TRPC7: variants seen among roughly 807,000 people sequenced by gnomAD.
The protein encoded by TRPC7 is short transient receptor potential channel 7.
Under a neutral mutation model 90.1 loss-of-function variants are expected in TRPC7, and 42 were observed. The ratio of observed to expected loss-of-function variants is 0.47; its 90% confidence interval spans 0.36 to 0.60. The LOEUF (loss-of-function observed/expected upper bound fraction) is 0.60, where lower values mean the gene tolerates loss of function less well. Ranked by LOEUF, TRPC7 falls within the 20% of genes least tolerant of loss-of-function variation. The probability of loss-of-function intolerance (pLI) is 0.00; values close to 1 mark genes in which losing one functional copy is unlikely to be tolerated. For missense variants in TRPC7, 955 were observed against 1,112.3 expected (o/e 0.86, Z 2.01); for synonymous variants, 451 against 436.3 (o/e 1.03, Z -0.42).
At chr5:136,255,828 GC>G (rs1356558523) in intron 5 of TRPC7, among the ~76,000 whole-genome samples, 2 of 152,122 alleles carry the variant, frequency 1.3e-5, no homozygotes, top group African/African-American at 4.8e-5. Flanking sequence ...GTTGTAATGT[GC>G]CCTGCTAGGA....
chr5:136,274,637 T>A (rs1757303254), intron 4 of TRPC7, 36 bp downstream of exon 4: 2 of 1,543,400 alleles, frequency 1.3e-6, no homozygotes, highest in East Asian at 2.3e-5. Flanking sequence ...AGAGAAGAAA[T>A]AACCGCAAAC....
At chr5:136,218,662 T>C (rs1410450823) in intron 10 of TRPC7, among the ~76,000 whole-genome samples, 1 of 152,204 alleles carries the variant, frequency 6.6e-6, no homozygotes, top group Non-Finnish European at 1.5e-5. Flanking sequence ...TATTTACTAA[T>C]AATAGAAAAT....
chr5:136,283,944 T>C (rs1186088419), intron 3 of TRPC7, among the ~76,000 whole-genome samples: 1 of 152,194 alleles, frequency 6.6e-6, no homozygotes, highest in Non-Finnish European at 1.5e-5. Context: ...CAGAGCACTT[T>C]TAAAGGGCAT....
intron 3 of TRPC7, among the ~76,000 whole-genome samples, chr5:136,300,880 A>C (rs559723794): frequency 1.3e-5 from 2 of 152,350 alleles, no homozygotes; most frequent in African/African-American, 4.8e-5. Context: ...TACTGTTCTC[A>C]GCCTTCAGAG....
At chr5:136,352,420 C>A (rs913462425) in intron 2 of TRPC7, among the ~76,000 whole-genome samples, 2 of 151,904 alleles carry the variant, frequency 1.3e-5, no homozygotes, top group Non-Finnish European at 2.9e-5. Flanking sequence ...GACTGGGAAG[C>A]AAATAAAGGA....
chr5:136,219,586 C>T (rs1289634121), intron 10 of TRPC7, among the ~76,000 whole-genome samples: 5 of 152,024 alleles, frequency 3.3e-5, no homozygotes, highest in African/African-American at 9.7e-5. Context: ...GGTAATATGG[C>T]GAAACCCCAT....
At chr5:136,314,386 C>T (rs1030870550) in intron 3 of TRPC7, 4 of 152,164 alleles carry the variant, frequency 2.6e-5, no homozygotes, top group African/African-American at 9.7e-5. Context: ...GGTGAGTTTT[C>T]CTGAGCTGAG....
chr5:136,276,314 A>G (rs1580890434), intron 3 of TRPC7, among the ~76,000 whole-genome samples: 1 of 152,306 alleles, frequency 6.6e-6, no homozygotes, highest in East Asian at 1.9e-4. Flanking sequence ...TGGACTAGAG[A>G]AGATAGACTG....
At position 136,213,747 on chromosome 5, in the gene TRPC7, G is replaced by A. The variant is rs563299647; in HGVS notation, c.2420-143C>T. 1.8e-5 allele frequency: 15 copies of A among 815,458 alleles called. No homozygotes were observed. In the African/African-American group the frequency reaches 2.2e-4, roughly 12 times the overall value. The allele number at this position is 815,458 out of a possible 1,614,324, so 50.5% of individuals were successfully genotyped here. On this transcript the variant is annotated intron_variant, in intron 11 of 11. Transcript: ENST00000513104. ...CAGGGTTGAAGGTGAGGCAAGGGGG[G>A]CTCTATTTGAACCCAGAACCACCCA...
chr5:136,265,154 G>A (rs1343511134), intron 5 of TRPC7, among the ~76,000 whole-genome samples: 2 of 152,050 alleles, frequency 1.3e-5, no homozygotes, highest in African/African-American at 2.4e-5. Context: ...TGATTTTGTT[G>A]ATTTGACCCG....
Position 136,315,632 on chromosome 5 carries a change from G to A in TRPC7, c.928C>T (p.Arg310Trp), listed in dbSNP as rs771774106. Reference protein sequence around the residue: ...WSDHHRPSLSRIKLAIKYEVK... With the variant: ...WSDHHRPSLSWIKLAIKYEVK... Reference sequence around the variant, plus strand: ...TCATATTTAATGGCGAGTTTGATCCGGCTCAGACTTGGACGGTGGTGGTCG... The same window carrying A: ...TCATATTTAATGGCGAGTTTGATCCAGCTCAGACTTGGACGGTGGTGGTCG... The change falls in exon 3 of 12, where the codon CGG becomes TGG. Residue 310 changes from arginine (R) to tryptophan (W), a missense_variant. Coordinates refer to ENST00000513104, the MANE Select transcript of TRPC7 (RefSeq NM_020389.3). 7.4e-6 allele frequency: 12 copies of A among 1,613,718 alleles called. No homozygotes were observed. The highest frequency in any genetic ancestry group is 4.0e-5 in the African/African-American group (3 of 74,898).
intron 2 of TRPC7, among the ~76,000 whole-genome samples, chr5:136,346,418 A>T (rs1561728016): frequency 6.6e-6 from 1 of 152,164 alleles, no homozygotes. Flanking sequence ...CACTGTCCCC[A>T]GTACCAAGTT....
At chr5:136,293,988 A>G (rs906270004) in intron 3 of TRPC7, among the ~76,000 whole-genome samples, 11 of 152,332 alleles carry the variant, frequency 7.2e-5, no homozygotes, top group Non-Finnish European at 1.3e-4. Flanking sequence ...ATAATGCTGC[A>G]TATCTACAAC....
chr5:136,225,393 A>C (rs1755592693), intron 9 of TRPC7, 39 bp from the exon 10 acceptor site: 1 of 1,582,636 alleles, frequency 6.3e-7, no homozygotes, highest in East Asian at 2.2e-5. Flanking sequence ...TCACACAGAA[A>C]AACATACATG....
At chr5:136,221,689 T>C (rs896298872) in intron 10 of TRPC7, among the ~76,000 whole-genome samples, 6 of 152,204 alleles carry the variant, frequency 3.9e-5, no homozygotes, top group Non-Finnish European at 7.3e-5. Context: ...AAGTCATTTG[T>C]TAAACTGAGG....
chr5:136,347,863 C>G (rs947338645), intron 2 of TRPC7, among the ~76,000 whole-genome samples: 1 of 152,174 alleles, frequency 6.6e-6, no homozygotes, highest in Non-Finnish European at 1.5e-5. Flanking sequence ...ACTGAGAGGT[C>G]CCAGAGATAG....
Position 136,257,371 on chromosome 5 carries a change from C to T in TRPC7, c.1346-5489G>A, listed in dbSNP as rs190721745. Among the ~76,000 whole-genome samples the T allele has an allele frequency of 4.1e-3, 617 of 151,960 alleles. 8 individuals are homozygous for T. The highest frequency in any genetic ancestry group is 0.014 in the African/African-American group (590 of 41,466). ...CTAATTTTTGTATTTTTAGTAGAGA[C>T]GAGGTTTCACCATATTGGCCAGGCT... On this transcript the variant is annotated intron_variant, in intron 5 of 11. Coordinates refer to ENST00000513104, the MANE Select transcript of TRPC7 (RefSeq NM_020389.3).
rs563126186 is a variant in TRPC7 at position 136,304,677 on chromosome 5, G to A, written c.963+10920C>T. On this transcript the variant is annotated intron_variant, in intron 3 of 11. Transcript: ENST00000513104. Reference sequence around the variant, plus strand: ...AATTACCTGGGCTATACTGCTGCAAGGCTTCACAGACAGCCCCCATTACTT... The same window carrying A: ...AATTACCTGGGCTATACTGCTGCAAAGCTTCACAGACAGCCCCCATTACTT... 1.9e-3 allele frequency among the ~76,000 whole-genome samples: 287 copies of A among 152,260 alleles called. 1 individual carries two copies. The highest frequency in any genetic ancestry group is 6.6e-3 in the African/African-American group (274 of 41,532).
rs1243141350 is a variant in TRPC7 at position 136,315,679 on chromosome 5, T to C, written c.881A>G (p.Asp294Gly). 6.2e-7 allele frequency: 1 copy of C among 1,613,850 alleles called. No homozygotes were observed. The highest frequency in any genetic ancestry group is 8.5e-7 in the Non-Finnish European group (1 of 1,179,908). The change falls in exon 3 of 12, where the codon GAT becomes GGT. Residue 294 changes from aspartate to glycine, a missense_variant. Transcript: ENST00000513104. ...GTCGGACCAGACTTGGAAGTTCACA[T>C]CACCGTTTAAAATTGCTTCCACCTC... ...TEEVEAILNG[D>G]VNFQVWSDHH...
Sources: gnomAD v4.1 joint callset for allele counts (sites outside exome capture counted in the v4.1 genomes callset) on GRCh38, gnomAD v4.1.1 for gene constraint, MANE v1.5 for transcripts, NCBI Gene and HGNC (gene_info 2026-07-23, HGNC 2026-07-21) for gene names.